Variants in ASF1B observed in about 807,000 individuals in gnomAD.
ASF1B encodes histone chaperone ASF1B.
In ASF1B, 10 loss-of-function variants were observed where a neutral mutation model predicts 16.6. The observed-to-expected ratio is 0.60, with a 90% CI of 0.37 to 1.02. ASF1B has a LOEUF of 1.02. Among genes scored for constraint, ASF1B ranks in the 50% least tolerant of loss-of-function variants. The pLI, the probability that ASF1B is intolerant of heterozygous loss-of-function variation, is 0.01. For synonymous variants in ASF1B, 101 were observed against 106.2 expected, an observed-to-expected ratio of 0.95 and a Z score of 0.30; for missense variants, 240 against 266.0, an observed-to-expected ratio of 0.90 and a Z score of 0.68.
At chr19:14,126,010 C>A in intron 2 of ASF1B, 112 bp downstream of exon 2, 1 of 815,970 alleles carries the variant, frequency 1.2e-6, no homozygotes, top group East Asian at 2.7e-5. Flanking sequence ...GGCGTGAGCC[C>A]GTGCCCAGCT....
At chr19:14,127,208 G>C (rs1423553485) in intron 1 of ASF1B, among the ~76,000 whole-genome samples, 1 of 152,228 alleles carries the variant, frequency 6.6e-6, no homozygotes, top group Non-Finnish European at 1.5e-5. Flanking sequence ...ACCTCCATTA[G>C]GGAATTCTGT....
chr19:14,132,955 C>T (rs1199123844), intron 1 of ASF1B, among the ~76,000 whole-genome samples: 1 of 151,756 alleles, frequency 6.6e-6, no homozygotes. Context: ...CCCGTCTCTA[C>T]TAAAAATCCA....
intron 1 of ASF1B, among the ~76,000 whole-genome samples, chr19:14,131,427 C>T (rs979956951): frequency 5.3e-5 from 8 of 150,926 alleles, no homozygotes; most frequent in South Asian, 2.1e-4. Context: ...GTGATCCATC[C>T]GCCTCGGCCT....
Position 14,136,581 on chromosome 19 carries a change from C to T in ASF1B, c.-125G>A. On this transcript the variant is annotated 5_prime_UTR_variant, in exon 1 of 4. Coordinates refer to ENST00000263382, the MANE Select transcript of ASF1B (RefSeq NM_018154.3). ...CACTCCCGCCTCTTCTCTCCGAGAA[C>T]TGAAGTGCGCACCTAGTCCGCGCGC... 1 of 710,686 alleles carries T rather than the reference C, an allele frequency of 1.4e-6. No homozygotes were observed. Among genetic ancestry groups the T allele is most frequent in the South Asian group, 2.0e-5 (1 of 49,742 alleles). 44.0% of individuals were successfully genotyped at this position (710,686 alleles called of 1,614,324 possible). A position where few individuals can be genotyped will look rare whatever the true frequency, so the allele number is the denominator to read the frequency against.
rs1967209448 is a variant in ASF1B, at chr19:14,120,040, G to C, written c.*419C>G. On this transcript the variant is annotated 3_prime_UTR_variant, in exon 4 of 4. Transcript: ENST00000263382. ...AAAGCTGGAGTGGGTCTGCTCAGAT[G>C]TACAGGAAGAGAAAGGAATGACAAA... 2 of 178,630 alleles carry C rather than the reference G, an allele frequency of 1.1e-5. No individual in the cohort carries two copies. The highest frequency in any genetic ancestry group is 2.1e-4 in the South Asian group (2 of 9,592). The allele number at this position is 178,630 out of a possible 1,614,324, so 11.1% of individuals were successfully genotyped here.
At chr19:14,135,915 C>T (rs1411166891) in intron 1 of ASF1B, among the ~76,000 whole-genome samples, 1 of 151,824 alleles carries the variant, frequency 6.6e-6, no homozygotes, top group Non-Finnish European at 1.5e-5. Context: ...TGAAGATCTC[C>T]GTGGGTTAAG....
At chr19:14,121,473 A>C (rs1967235550) in intron 3 of ASF1B, 59 bp downstream of exon 3, 4 of 1,551,856 alleles carry the variant, frequency 2.6e-6, no homozygotes, top group Non-Finnish European at 2.6e-6. Context: ...GAATGGCTGA[A>C]CTCCCCCCAA....
chr19:14,123,679 T>G (rs1967275722), intron 2 of ASF1B, among the ~76,000 whole-genome samples: 1 of 151,960 alleles, frequency 6.6e-6, no homozygotes, highest in South Asian at 2.1e-4. Context: ...TGCACCGGCC[T>G]TCTTTTTTTA....
chr19:14,134,026 G>C (rs527474750), intron 1 of ASF1B, among the ~76,000 whole-genome samples: 13 of 151,806 alleles, frequency 8.6e-5, no homozygotes, highest in Non-Finnish European at 1.5e-4. Flanking sequence ...GGATGGTCTC[G>C]ATCTCCTGAC....
chr19:14,124,773 T>C (rs75567592), intron 2 of ASF1B, among the ~76,000 whole-genome samples: 5,552 of 152,290 alleles, frequency 0.036, 326 homozygotes, highest in African/African-American at 0.12. Flanking sequence ...TTAGTGCTTT[T>C]TTCCATGTTT....
At chr19:14,133,068 C>T (rs1967430661) in intron 1 of ASF1B, among the ~76,000 whole-genome samples, 1 of 150,836 alleles carries the variant, frequency 6.6e-6, no homozygotes, top group African/African-American at 2.4e-5. Context: ...TGCAATGAGC[C>T]ATGATCACGC....
At chr19:14,126,453 C>T (rs1483364011) in intron 1 of ASF1B, among the ~76,000 whole-genome samples, 1 of 151,792 alleles carries the variant, frequency 6.6e-6, no homozygotes, top group Non-Finnish European at 1.5e-5. Context: ...TATAGGTGCC[C>T]GCTGCCACGC....
chr19:14,129,555 G>C (rs983344397), intron 1 of ASF1B, among the ~76,000 whole-genome samples: 9 of 151,372 alleles, frequency 5.9e-5, no homozygotes, highest in Admixed American at 4.6e-4. Flanking sequence ...GTGTGCACCT[G>C]TAATTCCAGC....
chr19:14,134,175 G>A (rs769089158), intron 1 of ASF1B, among the ~76,000 whole-genome samples: 16 of 152,100 alleles, frequency 1.1e-4, no homozygotes, highest in African/African-American at 3.9e-4. Flanking sequence ...GGGGAGCTGG[G>A]AATCCCTCAA....
At chr19:14,127,446 C>T (rs888187537) in intron 1 of ASF1B, among the ~76,000 whole-genome samples, 10 of 152,130 alleles carry the variant, frequency 6.6e-5, no homozygotes, top group East Asian at 1.9e-4. Context: ...TGCCACTCAA[C>T]GAAGTGGATC....
rs549921239 is a variant in ASF1B at position 14,133,647 on chromosome 19, G to A, written c.109+2701C>T. On this transcript the variant is annotated intron_variant, in intron 1 of 3. Coordinates refer to ENST00000263382, the MANE Select transcript of ASF1B (RefSeq NM_018154.3). ...CGCGCCATTGCACTCCAGCCTGGGG[G>A]ACAAGAGCAAGACTTCATCTCCAAA... Among the ~76,000 whole-genome samples the A allele has an allele frequency of 3.3e-5, 5 of 151,824 alleles. 1 individual carries two copies. The South Asian group carries it at 6.2e-4, about 19-fold the overall frequency.
intron 3 of ASF1B, 178 bp downstream of exon 3, chr19:14,121,354 C>CT (rs1181320233): frequency 3.4e-6 from 2 of 584,854 alleles, no homozygotes; most frequent in East Asian, 6.5e-5. Context: ...TCTTAATTCT[C>CT]TAAGACATGC....
In ASF1B at chr19:14,129,678, C is replaced by CAAA. The variant is rs549023648; in HGVS notation, c.110-3444_110-3442dup. 3.8e-3 allele frequency among the ~76,000 whole-genome samples: 131 copies of CAAA among 34,626 alleles called. 2 individuals carry two copies. The highest frequency in any genetic ancestry group is 4.8e-3 in the Non-Finnish European group (101 of 21,000). 22.7% of individuals were successfully genotyped at this position (34,626 alleles called of 152,430 possible). On this transcript the variant is annotated intron_variant, in intron 1 of 3. Transcript: ENST00000263382. ...CCTGGGCAACAGAGCCAGCCTCCGTCAAAAAAAAAAAAAAAAAAAAAAAAA... is the reference window on the plus strand; with the variant it reads ...CCTGGGCAACAGAGCCAGCCTCCGTCAAAAAAAAAAAAAAAAAAAAAAAAAAAA...
intron 1 of ASF1B, among the ~76,000 whole-genome samples, chr19:14,129,803 T>G (rs1967373709): frequency 6.7e-6 from 1 of 150,154 alleles, no homozygotes; most frequent in African/African-American, 2.5e-5. Flanking sequence ...TCCTAGCACT[T>G]TGGGAGGCTG....
Sources: gnomAD v4.1 joint callset for allele counts (sites outside exome capture counted in the v4.1 genomes callset) on GRCh38, gnomAD v4.1.1 for gene constraint, MANE v1.5 for transcripts, NCBI Gene and HGNC (gene_info 2026-07-23, HGNC 2026-07-21) for gene names.